Variants in TBC1D32 observed in about 807,000 individuals in gnomAD.
TBC1D32 encodes the protein TBC1 domain family member 32.
Under a neutral mutation model 170.3 loss-of-function variants are expected in TBC1D32, and 151 were observed. The ratio of observed to expected loss-of-function variants is 0.89; its 90% CI spans 0.78 to 1.01. The LOEUF (loss-of-function observed/expected upper bound fraction) is 1.01, where lower values mean the gene tolerates loss of function less well. Ranked by LOEUF, TBC1D32 falls within the 50% of genes least tolerant of loss-of-function variation. The pLI, the probability that TBC1D32 is intolerant of heterozygous loss-of-function variation, is 0.00. For missense variants in TBC1D32, 1,464 were observed against 1,457.1 expected (o/e 1.00, Z -0.08); for synonymous variants, 498 against 488.0 (o/e 1.02, Z -0.27).
Position 121,080,539 on chromosome 6 carries a change from G to A in TBC1D32, c.*232C>T, listed in dbSNP as rs368155848. On this transcript the variant is annotated 3_prime_UTR_variant, in exon 32 of 32. Coordinates refer to ENST00000398212, the MANE Select transcript of TBC1D32 (RefSeq NM_152730.6). ...AGGACTAACTCTTAAACATGAATAA[G>A]AACTAAAAGTAAGCTAGATCTGATT... 4 of 456,144 alleles carry A rather than the reference G, an allele frequency of 8.8e-6. No individual in the cohort carries two copies. In the South Asian group the frequency reaches 1.5e-4, roughly 17 times the overall value. 28.3% of individuals were successfully genotyped at this position (456,144 alleles called of 1,614,324 possible).
intron 15 of TBC1D32, among the ~76,000 whole-genome samples, chr6:121,265,918 T>A (rs866910173): frequency 1.8e-4 from 28 of 152,128 alleles, no homozygotes; most frequent in Middle Eastern, 6.8e-3. Flanking sequence ...TATATAAAAA[T>A]TAACTCAAAA....
intron 15 of TBC1D32, among the ~76,000 whole-genome samples, chr6:121,271,013 C>T (rs1801331135): frequency 1.3e-5 from 2 of 152,148 alleles, no homozygotes; most frequent in African/African-American, 4.8e-5. Context: ...ACAAAAACCA[C>T]ATGATTATCT....
chr6:121,196,532 C>G (rs1790759102), intron 22 of TBC1D32, among the ~76,000 whole-genome samples: 1 of 152,236 alleles, frequency 6.6e-6, no homozygotes, highest in South Asian at 2.1e-4. Context: ...TCTGCTAAGA[C>G]TACTATCCGT....
At chr6:121,102,957 T>C (rs1562489230) in intron 30 of TBC1D32, among the ~76,000 whole-genome samples, 1 of 152,094 alleles carries the variant, frequency 6.6e-6, no homozygotes, top group Non-Finnish European at 1.5e-5. Context: ...AGAAGACATT[T>C]ATGCAGCCAA....
intron 1 of TBC1D32, among the ~76,000 whole-genome samples, chr6:121,330,344 A>G (rs913540663): frequency 3.3e-5 from 5 of 152,102 alleles, no homozygotes; most frequent in African/African-American, 4.8e-5. Flanking sequence ...CCGAGGGAAT[A>G]TTTTCTTGAA....
rs67847088 is a variant in TBC1D32, at chr6:121,308,686, C to CTTTTTTTTTTTTTTTTTTTTTT, written c.565-586_565-585insAAAAAAAAAAAAAAAAAAAAAA. ...CTGTATTTTCACAGAAAGCTTACTT[C>CTTTTTTTTTTTTTTTTTTTTTT]TTTTTTTTTTTTTTTTTTTTGAGAC... On this transcript the variant is annotated intron_variant, in intron 4 of 31. Coordinates refer to ENST00000398212, the MANE Select transcript of TBC1D32 (RefSeq NM_152730.6). Among the ~76,000 whole-genome samples the CTTTTTTTTTTTTTTTTTTTTTT allele has an allele frequency of 7.1e-5, 8 of 112,570 alleles. 1 individual carries two copies. The highest frequency in any genetic ancestry group is 3.1e-4 in the African/African-American group (8 of 25,820). The allele number at this position is 112,570 out of a possible 152,430, so 73.9% of individuals were successfully genotyped here.
intron 26 of TBC1D32, among the ~76,000 whole-genome samples, chr6:121,124,483 T>A (rs1780622138): frequency 6.6e-6 from 1 of 152,100 alleles, no homozygotes; most frequent in Non-Finnish European, 1.5e-5. Context: ...TTTTGAGAGT[T>A]TGATTATAAT....
chr6:121,311,971 T>C (rs1808278109), intron 3 of TBC1D32, among the ~76,000 whole-genome samples: 1 of 152,018 alleles, frequency 6.6e-6, no homozygotes, highest in African/African-American at 2.4e-5. Flanking sequence ...CTATCAATGA[T>C]AGGTTGGATA....
At chr6:121,097,106 C>T (rs1269361449) in intron 30 of TBC1D32, among the ~76,000 whole-genome samples, 1 of 152,024 alleles carries the variant, frequency 6.6e-6, no homozygotes, top group Non-Finnish European at 1.5e-5. Flanking sequence ...AGAAGAAAAC[C>T]TAGGCAATAC....
chr6:121,198,216 A>G (rs1791022190), intron 22 of TBC1D32, among the ~76,000 whole-genome samples: 1 of 117,868 alleles, frequency 8.5e-6, no homozygotes, highest in African/African-American at 2.8e-5. Flanking sequence ...TATTATATAT[A>G]TGTGTGTATA....
At chr6:121,314,444 T>G (rs1808651564) in intron 3 of TBC1D32, among the ~76,000 whole-genome samples, 1 of 152,208 alleles carries the variant, frequency 6.6e-6, no homozygotes, top group Non-Finnish European at 1.5e-5. Context: ...TTATTCTGTG[T>G]ACCACAGGTA....
Position 121,254,698 on chromosome 6 carries a change from C to A in TBC1D32, c.2018+630G>T, listed in dbSNP as rs570731258. On this transcript the variant is annotated intron_variant, in intron 17 of 31. Transcript: ENST00000398212. ...TCAACATCTCTTTAACAAAGAATAG[C>A]CCTTCAAGTTCTCCCTAATTATTAT... 1.1e-4 allele frequency among the ~76,000 whole-genome samples: 16 copies of A among 152,106 alleles called. No homozygotes were observed. In the East Asian group the frequency reaches 2.9e-3, roughly 28 times the overall value.
In TBC1D32 at chr6:121,260,940, G is replaced by A. The variant is rs189009428; in HGVS notation, c.1734-4655C>T. Among the ~76,000 whole-genome samples, 569 of 152,320 alleles carry A rather than the reference G, an allele frequency of 3.7e-3. 7 individuals are homozygous for A. Among genetic ancestry groups the A allele is most frequent in the African/African-American group, 0.013 (555 of 41,566 alleles). On this transcript the variant is annotated intron_variant, in intron 15 of 31. Coordinates refer to ENST00000398212, the MANE Select transcript of TBC1D32 (RefSeq NM_152730.6). ...CTCCAGGCCGTGCTTTTCCCTGCTA[G>A]AGCCAGGGAAATTCAGGAGGCTGAA...
rs150560115 is a variant in TBC1D32, at chr6:121,325,447, C to T, written c.156-3653G>A. Among the ~76,000 whole-genome samples the T allele has an allele frequency of 2.2e-4, 33 of 152,218 alleles. 1 individual carries two copies. In the East Asian group the frequency reaches 6.0e-3, roughly 28 times the overall value. ...AGATATATAGACCAATGGAACAGAA[C>T]AGAGGCCTCAGAAATAATGCCACAC... On this transcript the variant is annotated intron_variant, in intron 1 of 31. Coordinates refer to ENST00000398212, the MANE Select transcript of TBC1D32 (RefSeq NM_152730.6).
chr6:121,239,074 T>C lies in TBC1D32; in HGVS notation c.2360A>G (p.Gln787Arg). The change falls in exon 20 of 32, where the codon CAA becomes CGA. Residue 787 changes from glutamine (Q) to arginine (R), a missense_variant. Around this residue, in one of 3 missense-constraint regions of TBC1D32, gnomAD observed 1,363 missense variants for 1,338.1 expected, o/e 1.02. Transcript: ENST00000398212. ...ATTAGTCAAATAACTTCTTACCTTTTGACAGCTTCGGTCAATAGGATCCAC... is the reference window on the plus strand; with the variant it reads ...ATTAGTCAAATAACTTCTTACCTTTCGACAGCTTCGGTCAATAGGATCCAC... ...TPVDPIDRSCQKSFLALVNLL... is the reference protein window; with the variant it reads ...TPVDPIDRSCRKSFLALVNLL... 1 of 1,570,120 alleles carries C rather than the reference T, an allele frequency of 6.4e-7. No individual in the cohort carries two copies. Among genetic ancestry groups the C allele is most frequent in the Non-Finnish European group, 8.7e-7 (1 of 1,146,174 alleles).
At chr6:121,213,918 T>C (rs1793483956) in intron 21 of TBC1D32, among the ~76,000 whole-genome samples, 1 of 152,160 alleles carries the variant, frequency 6.6e-6, no homozygotes, top group African/African-American at 2.4e-5. Flanking sequence ...AATAGTATAA[T>C]ATTGGTACAA....
At chr6:121,288,514 C>T (rs1367292326) in intron 12 of TBC1D32, among the ~76,000 whole-genome samples, 1 of 151,914 alleles carries the variant, frequency 6.6e-6, no homozygotes, top group Non-Finnish European at 1.5e-5. Flanking sequence ...ATAATTAATA[C>T]CTTGCCAACC....
rs144412519 is a variant in TBC1D32, at chr6:121,325,721, C to T, written c.156-3927G>A. On this transcript the variant is annotated intron_variant, in intron 1 of 31. Transcript: ENST00000398212. ...TTCAGGACATAGGCATGGGCAAAGA[C>T]TTCATGACTAAAATACCAAAAGCAA... 8.9e-3 allele frequency among the ~76,000 whole-genome samples: 1,352 copies of T among 152,260 alleles called. 27 individuals carry two copies. The highest frequency in any genetic ancestry group is 0.031 in the African/African-American group (1,279 of 41,560).
chr6:121,314,555 C>T (rs1365265091), intron 3 of TBC1D32, among the ~76,000 whole-genome samples: 1 of 151,072 alleles, frequency 6.6e-6, no homozygotes, highest in South Asian at 2.1e-4. Flanking sequence ...GACTATTATC[C>T]TAAACTCACC....
Sources: allele counts gnomAD v4.1 joint callset (sites outside exome capture counted in the v4.1 genomes callset), GRCh38; gene constraint gnomAD v4.1.1; regional missense constraint gnomAD v4.1.1; transcripts MANE v1.5; gene names NCBI Gene and HGNC (gene_info 2026-07-23, HGNC 2026-07-21).